The following POLM variants were observed in gnomAD, a reference collection of about 807,000 sequenced individuals.
POLM encodes DNA polymerase mu.
Under a neutral mutation model 56.7 loss-of-function variants are expected in POLM, and 52 were observed. That is an observed-to-expected ratio of 0.92 (90% CI 0.73 to 1.15). The LOEUF (loss-of-function observed/expected upper bound fraction) is 1.15, where lower values mean the gene tolerates loss of function less well. Among genes scored for constraint, POLM ranks in the 50% most tolerant of loss-of-function variants. POLM has a pLI of 0.00. For missense variants in POLM, 660 were observed against 663.6 expected, an observed-to-expected ratio of 0.99 and a Z score of 0.06; for synonymous variants, 273 against 274.3, an observed-to-expected ratio of 1.00 and a Z score of 0.05.
At chr7:44,075,700 G>T (rs929216928) in intron 6 of POLM, 1 of 150,218 alleles carries the variant, frequency 6.7e-6, no homozygotes, top group African/African-American at 2.5e-5. Flanking sequence ...GGGAGCCTAC[G>T]AATTCATTCC....
intron 5 of POLM, among the ~76,000 whole-genome samples, chr7:44,077,470 A>T (rs983551622): frequency 6.6e-6 from 1 of 152,192 alleles, no homozygotes; most frequent in Non-Finnish European, 1.5e-5. Context: ...CTTGCAACCC[A>T]AAGAATCCTG....
rs533717001 is a variant in POLM, at chr7:44,082,227, T to TCGCCGCGCCG, written c.188+14_188+23dup. On this transcript the variant is annotated intron_variant, in intron 1 of 10. Coordinates refer to ENST00000242248, the MANE Select transcript of POLM (RefSeq NM_013284.4). ...AAAACCAGAAGTGCCATGGAAGCCC[T>TCGCCGCGCCG]CGCCGCGCCGCGCCGCCCCGCACCT... The TCGCCGCGCCG allele has an allele frequency of 2.8e-5, 40 of 1,426,458 alleles. No individual in the cohort carries two copies. In the South Asian group the frequency reaches 3.6e-4, roughly 13 times the overall value. The allele number at this position is 1,426,458 out of a possible 1,614,324, so 88.4% of individuals were successfully genotyped here. A position where few individuals can be genotyped will look rare whatever the true frequency, so the allele number is the denominator to read the frequency against.
In POLM at chr7:44,073,721, G is replaced by T; in HGVS notation, c.1315-13C>A. 3 of 1,614,162 alleles carry T rather than the reference G, an allele frequency of 1.9e-6. No individual in the cohort carries two copies. The highest frequency in any genetic ancestry group is 1.7e-6 in the Non-Finnish European group (2 of 1,179,992). On this transcript the variant is annotated splice_polypyrimidine_tract_variant and intron_variant, in intron 9 of 10. Transcript: ENST00000242248. Reference sequence around the variant, plus strand: ...CCCGCTGGAAAAGCTGTAGGGAAGGGATTGTCCTCAGCAGGGCTGGCCCAG... The same window carrying T: ...CCCGCTGGAAAAGCTGTAGGGAAGGTATTGTCCTCAGCAGGGCTGGCCCAG...
chr7:44,079,530 C>T, intron 4 of POLM, 41 bp downstream of exon 4: 2 of 1,488,330 alleles, frequency 1.3e-6, no homozygotes, highest in Non-Finnish European at 1.9e-6. Flanking sequence ...CCAAGGCCTC[C>T]CCACCCACCC....
chr7:44,074,233 C>A lies in POLM; in HGVS notation c.969G>T (p.Arg323Ser). The change falls in exon 8 of 11, where the codon AGG (arginine) becomes AGT (serine). Residue 323 changes from arginine (R) to serine (S), a missense_variant and splice_region_variant. By Grantham distance (110) the Arg-to-Ser change is moderately radical. Transcript: ENST00000242248. ...ATVTLTGGFR[R>S]GKLQGHDVDF... ...CCACGTCATGGCCCTGCAACTTCCC[C>A]CTGAGGGCGTCAGTCTGACTCTGAC... The A allele has an allele frequency of 6.4e-7, 1 of 1,573,636 alleles. No individual in the cohort carries two copies. The highest frequency in any genetic ancestry group is 1.3e-5 in the African/African-American group (1 of 74,460).
In POLM at chr7:44,072,506, A is replaced by G. The variant is rs1442623644; in HGVS notation, c.*785T>C. ...GCCACAAGGGGGCCTGGGTGCATCA[A>G]ATAGGAAGCCGGTGAGTCAAGCAGC... On this transcript the variant is annotated 3_prime_UTR_variant, in exon 11 of 11. Transcript: ENST00000242248. The G allele has an allele frequency of 1.3e-5, 2 of 152,294 alleles. No individual in the cohort carries two copies. The highest frequency in any genetic ancestry group is 3.9e-4 in the East Asian group (2 of 5,188). 9.4% of individuals were successfully genotyped at this position (152,294 alleles called of 1,614,324 possible). A position where few individuals can be genotyped will look rare whatever the true frequency, so the allele number is the denominator to read the frequency against.
rs28382654 is a variant in POLM at position 44,076,263 on chromosome 7, G to C, written c.835+246C>G. On this transcript the variant is annotated intron_variant, in intron 6 of 10. Transcript: ENST00000242248. ...AGGCTGTCCCTGGTCACTGGTCAAA[G>C]TCTAACCAGTAGGCAGACACAAGCC... 2,024 of 450,770 alleles carry C rather than the reference G, an allele frequency of 4.5e-3. 46 individuals carry two copies. Among genetic ancestry groups the C allele is most frequent in the African/African-American group, 0.037 (1,859 of 50,198 alleles). The allele number at this position is 450,770 out of a possible 1,614,324, so 27.9% of individuals were successfully genotyped here.
Position 44,073,827 on chromosome 7 carries a change from C to T in POLM, c.1270G>A (p.Val424Ile), listed in dbSNP as rs1343813704. The change falls in exon 9 of 11, where the codon GTC (valine) becomes ATC (isoleucine). Residue 424 changes from valine to isoleucine, a missense_variant. By Grantham distance (29) the Val-to-Ile change is conservative (BLOSUM62 3). Transcript: ENST00000242248. ...AGCAGGGCGAAAGGGAACTGGCTGA[C>T]GGGTGCAACTACCAAGTCCACTCTC... Reference protein sequence around the residue: ...AVRVDLVVAPVSQFPFALLGW... With the variant: ...AVRVDLVVAPISQFPFALLGW... The T allele has an allele frequency of 6.2e-6, 10 of 1,614,138 alleles. No individual in the cohort carries two copies. Among genetic ancestry groups the T allele is most frequent in the Admixed American group, 1.7e-5 (1 of 60,018 alleles).
chr7:44,074,379 G>T lies in POLM; in HGVS notation c.968+19C>A. 6.4e-7 allele frequency: 1 copy of T among 1,552,278 alleles called. No individual in the cohort carries two copies. The highest frequency in any genetic ancestry group is 8.7e-7 in the Non-Finnish European group (1 of 1,147,506). The stretch of plus-strand genomic sequence containing the variant: ...AGGGGTCTGAAGCCAAGCCAGAGGG[G>T]CACGTCGGGCCTTCTTACCTGCGGA... On this transcript the variant is annotated intron_variant, in intron 7 of 10. Transcript: ENST00000242248.
chr7:44,077,594 T>C (rs752183670), intron 5 of POLM, among the ~76,000 whole-genome samples: 13 of 152,148 alleles, frequency 8.5e-5, no homozygotes, highest in Non-Finnish European at 2.9e-5. Context: ...ACAGTGAAAG[T>C]ACTCACTAAC....
chr7:44,079,753 G>A lies in POLM; in HGVS notation c.472-12C>T, dbSNP rs953731116. 13 of 1,609,244 alleles carry A rather than the reference G, an allele frequency of 8.1e-6. No homozygotes were observed. The highest frequency in any genetic ancestry group is 1.1e-5 in the Non-Finnish European group (13 of 1,176,742). ...ATCTCCAGAGCCTCCTGCAGGGAGG[G>A]GCCCTAGGTAAGGGGCAGGGTGGGC... On this transcript the variant is annotated splice_polypyrimidine_tract_variant and intron_variant, in intron 3 of 10. Coordinates refer to ENST00000242248, the MANE Select transcript of POLM (RefSeq NM_013284.4).
rs1232680779 is a variant in POLM at position 44,079,873 on chromosome 7, G to A, written c.459C>T (p.Asn153=). Residue 153 remains asparagine (N), a synonymous_variant, in exon 3 of 11, where the codon AAC becomes AAT. Coordinates refer to ENST00000242248, the MANE Select transcript of POLM (RefSeq NM_013284.4). ...CQRPTPLTHH[N]TGLSEALEIL... ...AGAAGCGGCTTACGGAGAGGCCAGT[G>A]TTGTGGTGTGTGAGGGGCGTAGGGC... is the stretch of plus-strand genomic sequence containing the variant. 1 of 1,614,146 alleles carries A rather than the reference G, an allele frequency of 6.2e-7. No individual in the cohort carries two copies. The highest frequency in any genetic ancestry group is 1.7e-5 in the Admixed American group (1 of 60,034).
At position 44,072,966 on chromosome 7, in the gene POLM, CTGCAGGCCCCACCACAGCTCCACGA is replaced by C; in HGVS notation, c.*300_*324del. 1 of 711,250 alleles carries C rather than the reference CTGCAGGCCCCACCACAGCTCCACGA, an allele frequency of 1.4e-6. No individual in the cohort carries two copies. Among genetic ancestry groups the C allele is most frequent in the Non-Finnish European group, 2.2e-6 (1 of 453,418 alleles). 44.1% of individuals were successfully genotyped at this position (711,250 alleles called of 1,614,324 possible). A position where few individuals can be genotyped will look rare whatever the true frequency, so the allele number is the denominator to read the frequency against. ...ATCAGGGACCACTTGCCATTCATGA[CTGCAGGCCCCACCACAGCTCCACGA>C]TGTGGGCCCCACTCACATCCCATCC... On this transcript the variant is annotated 3_prime_UTR_variant, in exon 11 of 11. Transcript: ENST00000242248.
At chr7:44,081,744 C>T (rs2096200518) in intron 1 of POLM, among the ~76,000 whole-genome samples, 2 of 125,408 alleles carry the variant, frequency 1.6e-5, no homozygotes, top group African/African-American at 6.3e-5. Context: ...GCAAATACGA[C>T]TTTTTTTTTT....
rs913209446 is a variant in POLM at position 44,073,891 on chromosome 7, C to T, written c.1206G>A (p.Val402=). 2 of 1,614,264 alleles carry T rather than the reference C, an allele frequency of 1.2e-6. No homozygotes were observed. The highest frequency in any genetic ancestry group is 1.7e-6 in the Non-Finnish European group (2 of 1,180,046). Residue 402 remains valine, a synonymous_variant, in exon 9 of 11, where the codon GTG becomes GTA. Coordinates refer to ENST00000242248, the MANE Select transcript of POLM (RefSeq NM_013284.4). ...ATGGGCAGGGCCTCGTGGATCCCCC[C>T]ACAGCAGCCCCTGGAGGTTGTGGTA... ...FRLPQPPGAA[V]GGSTRPCPSW...
intron 5 of POLM, among the ~76,000 whole-genome samples, chr7:44,078,061 G>A (rs946656828): frequency 3.9e-5 from 6 of 152,218 alleles, no homozygotes; most frequent in Admixed American, 1.3e-4. Flanking sequence ...TGCAGAAGGC[G>A]GGCAAGGGCA....
In POLM at chr7:44,074,039, C is replaced by T. The variant is rs371902253; in HGVS notation, c.1072-14G>A. ...CAGGATGAGGCCCTGTGGGGAGAGG[C>T]GGGCGTGGCTGAGACCATCCGGTGG... On this transcript the variant is annotated splice_polypyrimidine_tract_variant and intron_variant, in intron 8 of 10. Coordinates refer to ENST00000242248, the MANE Select transcript of POLM (RefSeq NM_013284.4). The T allele has an allele frequency of 3.3e-5, 53 of 1,611,874 alleles. No individual in the cohort carries two copies. The African/African-American group carries it at 4.3e-4, about 13-fold the overall frequency.
rs745946699 is a variant in POLM at position 44,080,913 on chromosome 7, G to T, written c.192C>A (p.Ser64=). 6.4e-7 allele frequency: 1 copy of T among 1,560,990 alleles called. No homozygotes were observed. The highest frequency in any genetic ancestry group is 8.7e-7 in the Non-Finnish European group (1 of 1,154,200). ...KGFRVLDACS[S]EATHVVMEET... ...CTTCCATCACAACATGTGTCGCTTC[G>T]GAGCTGGTGGAGGGAGTTGGGAGAG... is the stretch of plus-strand genomic sequence containing the variant. The change falls in exon 2 of 11, where the codon TCC becomes TCA. Residue 64 remains serine, a synonymous_variant. Transcript: ENST00000242248.
In POLM at chr7:44,073,222, T is replaced by A; in HGVS notation, c.*69A>T. On this transcript the variant is annotated 3_prime_UTR_variant, in exon 11 of 11. Coordinates refer to ENST00000242248, the MANE Select transcript of POLM (RefSeq NM_013284.4). ...GGGGTCAGGGGGCAGCATATCTGCC[T>A]GGAGACATTCAGTGGCCAGGTTGGG... The A allele has an allele frequency of 6.2e-7, 1 of 1,613,338 alleles. No individual in the cohort carries two copies. The highest frequency in any genetic ancestry group is 8.5e-7 in the Non-Finnish European group (1 of 1,179,576).
Sources: allele counts gnomAD v4.1 joint callset (sites outside exome capture counted in the v4.1 genomes callset), GRCh38; gene constraint gnomAD v4.1.1; transcripts MANE v1.5; gene names NCBI Gene and HGNC (gene_info 2026-07-23, HGNC 2026-07-21).